RCC2: variants seen among roughly 807,000 people sequenced by gnomAD.
The protein encoded by RCC2 is protein RCC2.
In RCC2, 19 loss-of-function variants were observed where a neutral mutation model predicts 64.1. The observed-to-expected ratio is 0.30, with a 90% CI of 0.21 to 0.44. The LOEUF is 0.44. RCC2 is among the 20% of genes least tolerant of loss of function. RCC2 has a pLI of 1.00. For synonymous variants in RCC2, 325 were observed against 279.6 expected, an observed-to-expected ratio of 1.16 and a Z score of -1.62; for missense variants, 508 against 710.4, an observed-to-expected ratio of 0.72 and a Z score of 3.24.
At chr1:17,434,767 T>C (rs764876902) in intron 2 of RCC2, among the ~76,000 whole-genome samples, 1 of 152,192 alleles carries the variant, frequency 6.6e-6, no homozygotes, top group Admixed American at 6.5e-5. Flanking sequence ...GCAGAACTGA[T>C]TGCTTGCTTG....
intron 3 of RCC2, among the ~76,000 whole-genome samples, chr1:17,428,355 T>C (rs2075641178): frequency 6.6e-6 from 1 of 152,236 alleles, no homozygotes; most frequent in Non-Finnish European, 1.5e-5. Flanking sequence ...TACCTGCAAC[T>C]TAAACCCATT....
intron 7 of RCC2, among the ~76,000 whole-genome samples, chr1:17,418,871 A>G (rs2075520136): frequency 6.6e-6 from 1 of 152,220 alleles, no homozygotes; most frequent in African/African-American, 2.4e-5. Flanking sequence ...TGCTATCGAC[A>G]CAGTGGATAC....
At chr1:17,438,608 T>G in intron 1 of RCC2, 86 bp from the exon 2 acceptor site, 2 of 1,206,456 alleles carry the variant, frequency 1.7e-6, no homozygotes, top group Non-Finnish European at 2.1e-6. Flanking sequence ...CCACCCGGCC[T>G]CCACTTCCTC....
rs540184917 is a variant in RCC2, at chr1:17,420,747, A to G, written c.826T>C (p.Tyr276His). The G allele has an allele frequency of 6.2e-7, 1 of 1,608,870 alleles. No individual in the cohort carries two copies. The highest frequency in any genetic ancestry group is 1.1e-5 in the South Asian group (1 of 89,730). The change falls in exon 7 of 13, where the codon TAT (tyrosine) becomes CAT (histidine). Residue 276 changes from tyrosine (Y) to histidine (H), a missense_variant. By Grantham distance (83) the Tyr-to-His change is moderately conservative. Coordinates refer to ENST00000375436, the MANE Select transcript of RCC2 (RefSeq NM_018715.4). ...SMIMDCKGNL[Y>H]SFGCPEYGQL... ...CCATATTCAGGGCACCCAAAGGAAT[A>G]GAGGTTTCCTTTGCAGTCCATTATC... is the stretch of plus-strand genomic sequence containing the variant.
At position 17,425,563 on chromosome 1, in the gene RCC2, C is replaced by T. The variant is rs753109029; in HGVS notation, c.501G>A (p.Thr167=). ...SCAAHSLLIT[T]EGKLWSWGRN... is the part of the protein sequence containing the mutation. Reference sequence around the variant, plus strand: ...CACCCCAGCTCCACAGCTTCCCTTCCGTGGTGATGAGGAGGCTGTGTGCAG... The same window carrying T: ...CACCCCAGCTCCACAGCTTCCCTTCTGTGGTGATGAGGAGGCTGTGTGCAG... Residue 167 remains threonine (T), a synonymous_variant, in exon 4 of 13, where the codon ACG becomes ACA. Transcript: ENST00000375436. The T allele has an allele frequency of 9.9e-6, 16 of 1,612,968 alleles. No homozygotes were observed. The highest frequency in any genetic ancestry group is 6.7e-5 in the Admixed American group (4 of 59,904).
Position 17,432,118 on chromosome 1 carries a change from G to C in RCC2, c.286-2919C>G, listed in dbSNP as rs529433759. Among the ~76,000 whole-genome samples the C allele has an allele frequency of 5.6e-4, 86 of 152,234 alleles. 2 individuals carry two copies. The highest frequency in any genetic ancestry group is 5.6e-4 in the Non-Finnish European group (38 of 68,022). ...AGAGAAAAAAAAAGTTGGGGGGAGGGAAGTGAAACAACACGGAAAGGGAGA... is the reference window on the plus strand; with the variant it reads ...AGAGAAAAAAAAAGTTGGGGGGAGGCAAGTGAAACAACACGGAAAGGGAGA... On this transcript the variant is annotated intron_variant, in intron 2 of 12. Transcript: ENST00000375436.
chr1:17,423,767 G>C (rs12728891), intron 4 of RCC2, among the ~76,000 whole-genome samples: 9,266 of 152,334 alleles, frequency 0.061, 392 homozygotes, highest in Middle Eastern at 0.13. Flanking sequence ...ACAGTGGTGA[G>C]AAGTCAGGGC....
At chr1:17,432,095 A>AG (rs1163412890) in intron 2 of RCC2, among the ~76,000 whole-genome samples, 1 of 152,152 alleles carries the variant, frequency 6.6e-6, no homozygotes, top group African/African-American at 2.4e-5. Context: ...TCTCAAAAAG[A>AG]GAAAAAAAAA....
At chr1:17,435,326 T>A (rs1367734761) in intron 2 of RCC2, among the ~76,000 whole-genome samples, 2 of 152,158 alleles carry the variant, frequency 1.3e-5, no homozygotes, top group African/African-American at 4.8e-5. Context: ...AGCTTTGGGG[T>A]CACTGAAGGC....
At chr1:17,425,457 T>C in intron 4 of RCC2, 84 bp downstream of exon 4, 1 of 1,386,882 alleles carries the variant, frequency 7.2e-7, no homozygotes, top group Non-Finnish European at 9.7e-7. Flanking sequence ...CGCGAGTCTC[T>C]TTTCCAGGCA....
intron 2 of RCC2, among the ~76,000 whole-genome samples, chr1:17,434,941 T>C (rs1484648616): frequency 6.6e-6 from 1 of 152,176 alleles, no homozygotes. Flanking sequence ...CCATCTCTAC[T>C]GAAAATACAA....
chr1:17,416,603 T>C lies in RCC2; in HGVS notation c.903A>G (p.Ile301Met). 2 of 1,613,864 alleles carry C rather than the reference T, an allele frequency of 1.2e-6. No homozygotes were observed. The highest frequency in any genetic ancestry group is 2.2e-5 in the South Asian group (2 of 91,056). ...DGKFIARAQR[I>M]EYDCELVPRR... is the part of the protein sequence containing the mutation. ...GGGGAACTAGTTCACAGTCGTACTC[T>C]ATCCGCTGTGCCCGGGCGATGAACT... is the stretch of plus-strand genomic sequence containing the variant. Residue 301 changes from isoleucine (I) to methionine (M), a missense_variant, in exon 8 of 13, where the codon ATA becomes ATG. Around this residue, in one of 4 missense-constraint regions of RCC2, gnomAD observed 179 missense variants for 322.0 expected, o/e 0.56. Coordinates refer to ENST00000375436, the MANE Select transcript of RCC2 (RefSeq NM_018715.4).
intron 4 of RCC2, 144 bp from the exon 5 acceptor site, chr1:17,422,980 G>A (rs2075571807): frequency 9.2e-7 from 1 of 1,081,422 alleles, no homozygotes; most frequent in African/African-American, 1.6e-5. Context: ...CCAAGATCCA[G>A]AGCAAAGAAC....
In RCC2 at chr1:17,429,800, T is replaced by C. The variant is rs541896836; in HGVS notation, c.286-601A>G. ...CAGGCGGCCTTTGATGGCACCCTCA[T>C]GCCGCTGTCCATGAGCCCGGGAGCC... On this transcript the variant is annotated intron_variant, in intron 2 of 12. Transcript: ENST00000375436. 7.7e-4 allele frequency among the ~76,000 whole-genome samples: 118 copies of C among 152,288 alleles called. 1 individual carries two copies. The highest frequency in any genetic ancestry group is 2.7e-3 in the African/African-American group (114 of 41,570).
chr1:17,425,826 G>C, intron 3 of RCC2, 142 bp from the exon 4 acceptor site: 1 of 796,096 alleles, frequency 1.3e-6, no homozygotes. Flanking sequence ...GCTGTTGGGA[G>C]GCTGCACAAG....
intron 2 of RCC2, among the ~76,000 whole-genome samples, chr1:17,437,796 G>A (rs2075754148): frequency 6.9e-6 from 1 of 145,528 alleles, no homozygotes; most frequent in Admixed American, 6.8e-5. Context: ...TCCCCGCGGC[G>A]CCCGGGCGCA....
At chr1:17,419,040 G>T (rs960230675) in intron 7 of RCC2, among the ~76,000 whole-genome samples, 3 of 152,108 alleles carry the variant, frequency 2.0e-5, no homozygotes, top group African/African-American at 7.2e-5. Context: ...CTCTAGAGGG[G>T]TGACAGCTCT....
At chr1:17,425,810 G>T in intron 3 of RCC2, 126 bp from the exon 4 acceptor site, 2 of 961,628 alleles carry the variant, frequency 2.1e-6, no homozygotes, top group Non-Finnish European at 3.1e-6. Context: ...GTGCCACCCT[G>T]CCTTGGCTGT....
intron 8 of RCC2, among the ~76,000 whole-genome samples, chr1:17,414,404 C>T (rs1022553970): frequency 1.3e-5 from 2 of 151,910 alleles, no homozygotes; most frequent in Non-Finnish European, 2.9e-5. Context: ...GTGGTGTGCA[C>T]CTGTAATCCC....
Sources: gnomAD v4.1 joint callset for allele counts (sites outside exome capture counted in the v4.1 genomes callset) on GRCh38, gnomAD v4.1.1 for gene constraint, gnomAD v4.1.1 regional missense constraint, MANE v1.5 for transcripts, NCBI Gene and HGNC (gene_info 2026-07-23, HGNC 2026-07-21) for gene names.